PCDHA2: variants seen among roughly 807,000 people sequenced by gnomAD.
PCDHA2 encodes protocadherin alpha-2.
A neutral mutation model predicts 66.0 loss-of-function variants in PCDHA2; 58 were observed. The observed-to-expected ratio is 0.88, with a 90% CI of 0.71 to 1.09. The LOEUF is 1.09. Among genes scored for constraint, PCDHA2 ranks in the 50% least tolerant of loss-of-function variants. The probability of loss-of-function intolerance (pLI) is 0.00; values close to 1 mark genes in which losing one functional copy is unlikely to be tolerated. For missense variants in PCDHA2, 1,267 were observed against 1,242.3 expected, an observed-to-expected ratio of 1.02 and a Z score of -0.30; for synonymous variants, 634 against 554.0, an observed-to-expected ratio of 1.14 and a Z score of -2.03.
chr5:141,004,423 C>T (rs2098165944), intron 3 of PCDHA2, among the ~76,000 whole-genome samples: 1 of 152,202 alleles, frequency 6.6e-6, no homozygotes, highest in Non-Finnish European at 1.5e-5. Context: ...TCTCTGCCTC[C>T]TGGAGTTTAG....
At chr5:140,931,744 C>G (rs2087714665) in intron 1 of PCDHA2, among the ~76,000 whole-genome samples, 5 of 151,904 alleles carry the variant, frequency 3.3e-5, no homozygotes, top group Admixed American at 3.3e-4. Flanking sequence ...TTGTAATTCA[C>G]AAAGGCATTT....
chr5:140,821,676 A>C, intron 1 of PCDHA2: 1 of 1,310,990 alleles, frequency 7.6e-7, no homozygotes, highest in Non-Finnish European at 1.0e-6. Flanking sequence ...AAGCTCAGAA[A>C]GGCGATAATA....
chr5:140,850,326 C>A (rs2150479866), intron 1 of PCDHA2: 3 of 1,597,642 alleles, frequency 1.9e-6, no homozygotes, highest in East Asian at 2.2e-5. Flanking sequence ...TTCATACGAG[C>A]TGCAGCCAGA....
At chr5:140,809,929 A>G (rs976840498) in intron 1 of PCDHA2, 1 of 169,298 alleles carries the variant, frequency 5.9e-6, no homozygotes, top group Non-Finnish European at 1.3e-5. Flanking sequence ...AGCTCCATAA[A>G]TTGTATGAAA....
At chr5:140,902,203 C>CTTTTTT (rs148688132) in intron 1 of PCDHA2, among the ~76,000 whole-genome samples, 15 of 124,432 alleles carry the variant, frequency 1.2e-4, no homozygotes, top group Non-Finnish European at 2.0e-4. Flanking sequence ...CTCTCTCTTT[C>CTTTTTT]TTTTTTTTTT....
intron 3 of PCDHA2, among the ~76,000 whole-genome samples, chr5:140,990,425 T>G (rs1268987059): frequency 6.6e-6 from 1 of 152,214 alleles, no homozygotes; most frequent in Non-Finnish European, 1.5e-5. Context: ...CAACCAGCAT[T>G]GACCCAATCT....
In PCDHA2 at chr5:140,903,479, T is replaced by C. The variant is rs73266018; in HGVS notation, c.2389-75470T>C. On this transcript the variant is annotated intron_variant, in intron 1 of 3. Transcript: ENST00000526136. The stretch of plus-strand genomic sequence containing the variant: ...ACTTAAAATATTATTCCTTGCATTA[T>C]AGTTCTGAGCAGGTACCATAGATAA... Among the ~76,000 whole-genome samples, 476 of 152,354 alleles carry C rather than the reference T, an allele frequency of 3.1e-3. 2 individuals are homozygous for C. The highest frequency in any genetic ancestry group is 0.011 in the African/African-American group (456 of 41,586).
At chr5:140,848,601 CCG>C (rs2040496179) in intron 1 of PCDHA2, 1 of 1,593,502 alleles carries the variant, frequency 6.3e-7, no homozygotes, top group Non-Finnish European at 8.6e-7. Flanking sequence ...CTACTCCGTC[CCG>C]GAGGAAGCCG....
chr5:140,941,175 C>G (rs1344326389), intron 1 of PCDHA2, among the ~76,000 whole-genome samples: 1 of 145,416 alleles, frequency 6.9e-6, no homozygotes, highest in Admixed American at 6.8e-5. Flanking sequence ...CCATCTTGAA[C>G]ATCCTGCTTC....
At chr5:140,808,888 G>A (rs556570330) in intron 1 of PCDHA2, 3 of 1,613,368 alleles carry the variant, frequency 1.9e-6, no homozygotes, top group Admixed American at 1.7e-5. Context: ...CACTGCTAGC[G>A]CCTCGGGCGG....
Position 140,796,023 on chromosome 5 carries a change from G to A in PCDHA2, c.1059G>A (p.Thr353=), listed in dbSNP as rs781789373. ...INDNTPEVSI[T]SLSLPISENA... ...ATAACACACCAGAAGTCTCAATAAC[G>A]TCTCTCTCACTTCCCATCTCAGAGA... The change falls in exon 1 of 4, where the codon ACG becomes ACA. Residue 353 remains threonine, a synonymous_variant. Transcript: ENST00000526136. The A allele has an allele frequency of 3.1e-6, 5 of 1,614,070 alleles. No homozygotes were observed.
At chr5:140,975,056 A>G (rs1006106436) in intron 1 of PCDHA2, among the ~76,000 whole-genome samples, 3 of 152,154 alleles carry the variant, frequency 2.0e-5, no homozygotes, top group Non-Finnish European at 4.4e-5. Flanking sequence ...AGAATCTACT[A>G]TCGAGCTCAT....
At chr5:140,851,199 C>T in intron 1 of PCDHA2, 2 of 1,195,966 alleles carry the variant, frequency 1.7e-6, no homozygotes, top group Non-Finnish European at 2.1e-6. Context: ...AGTTGTTAGT[C>T]ATTCATTAAA....
chr5:140,807,956 A>C lies in PCDHA2; in HGVS notation c.2388+10604A>C, dbSNP rs1554124359. ...GGTGAGATTACTAGAAAATGTTCCT[A>C]ATGGAACATTGGTAATTAAACTTAA... On this transcript the variant is annotated intron_variant, in intron 1 of 3. Coordinates refer to ENST00000526136, the MANE Select transcript of PCDHA2 (RefSeq NM_018905.3). The C allele has an allele frequency of 3.1e-6, 5 of 1,612,664 alleles. No homozygotes were observed. The Admixed American group carries it at 8.3e-5, about 27-fold the overall frequency.
At chr5:140,893,409 T>C (rs2153442529) in intron 1 of PCDHA2, among the ~76,000 whole-genome samples, 1 of 152,154 alleles carries the variant, frequency 6.6e-6, no homozygotes, top group South Asian at 2.1e-4. Context: ...TCCCAGCACT[T>C]AGGGAGGCAG....
intron 1 of PCDHA2, among the ~76,000 whole-genome samples, chr5:140,798,607 T>G (rs782699606): frequency 6.6e-6 from 1 of 152,202 alleles, no homozygotes; most frequent in African/African-American, 2.4e-5. Context: ...TCTAATTCTA[T>G]GCGTGGGAAT....
intron 3 of PCDHA2, among the ~76,000 whole-genome samples, chr5:141,005,129 C>T (rs1554259896): frequency 6.6e-6 from 1 of 152,180 alleles, no homozygotes; most frequent in African/African-American, 2.4e-5. Context: ...CCAAAAGTGC[C>T]TCATTGGAGA....
chr5:140,873,534 T>C (rs1274405604), intron 1 of PCDHA2, among the ~76,000 whole-genome samples: 1 of 152,184 alleles, frequency 6.6e-6, no homozygotes, highest in Non-Finnish European at 1.5e-5. Context: ...CATTCTATGG[T>C]ATAAAATTAT....
chr5:140,934,239 T>C (rs2089722399), intron 1 of PCDHA2, among the ~76,000 whole-genome samples: 1 of 152,146 alleles, frequency 6.6e-6, no homozygotes, highest in Non-Finnish European at 1.5e-5. Context: ...TACTTAATTG[T>C]GGAGATTTAT....
Sources: gnomAD v4.1 joint callset for allele counts (sites outside exome capture counted in the v4.1 genomes callset) on GRCh38, gnomAD v4.1.1 for gene constraint, MANE v1.5 for transcripts, NCBI Gene and HGNC (gene_info 2026-07-23, HGNC 2026-07-21) for gene names.